The following FHIT variants were observed in gnomAD, a reference collection of about 807,000 sequenced individuals.
The protein encoded by FHIT is fragile histidine triad diadenosine triphosphatase.
Under a neutral mutation model 17.9 loss-of-function variants are expected in FHIT, and 19 were observed. The observed-to-expected ratio is 1.06, with a 90% CI of 0.74 to 1.56. The LOEUF (loss-of-function observed/expected upper bound fraction) is 1.56. FHIT is among the 40% of genes most tolerant of loss of function. The pLI, the probability that FHIT is intolerant of heterozygous loss-of-function variation, is 0.00. For synonymous variants in FHIT, 81 were observed against 69.7 expected, an observed-to-expected ratio of 1.16 and a Z score of -0.81; for missense variants, 248 against 189.2, an observed-to-expected ratio of 1.31 and a Z score of -1.82.
chr3:59,857,118 A>C (rs1702191486), intron 8 of FHIT, among the ~76,000 whole-genome samples: 1 of 152,212 alleles, frequency 6.6e-6, no homozygotes, highest in African/African-American at 2.4e-5. Flanking sequence ...TCTGAGGGGC[A>C]CTGGAGTTCC....
At chr3:59,974,824 T>G (rs1708340232) in intron 7 of FHIT, among the ~76,000 whole-genome samples, 1 of 151,952 alleles carries the variant, frequency 6.6e-6, no homozygotes, top group Non-Finnish European at 1.5e-5. Flanking sequence ...GGAAATTGAG[T>G]CTATAGTAGA....
chr3:60,113,060 C>G (rs892218478), intron 5 of FHIT, among the ~76,000 whole-genome samples: 1 of 152,186 alleles, frequency 6.6e-6, no homozygotes, highest in Admixed American at 6.5e-5. Context: ...TCCTGACCAT[C>G]CAATCTCAAG....
chr3:60,796,189 C>T (rs944994084), intron 4 of FHIT, among the ~76,000 whole-genome samples: 7 of 152,110 alleles, frequency 4.6e-5, no homozygotes, highest in Non-Finnish European at 4.4e-5. Context: ...CGTGGGAATT[C>T]GGGGAGATAC....
At chr3:60,829,517 C>A (rs1399257853) in intron 3 of FHIT, among the ~76,000 whole-genome samples, 2 of 152,086 alleles carry the variant, frequency 1.3e-5, no homozygotes, top group Non-Finnish European at 2.9e-5. Context: ...ATTTAGTAAA[C>A]AGCCTCAGCC....
At chr3:60,445,870 T>C (rs2031297082) in intron 5 of FHIT, among the ~76,000 whole-genome samples, 1 of 151,910 alleles carries the variant, frequency 6.6e-6, no homozygotes, top group Admixed American at 6.6e-5. Flanking sequence ...AGAGAGAAAA[T>C]GTGAAACTGT....
chr3:60,746,194 G>A (rs1025311908), intron 4 of FHIT, among the ~76,000 whole-genome samples: 1 of 152,168 alleles, frequency 6.6e-6, no homozygotes, highest in Non-Finnish European at 1.5e-5. Context: ...CATGGTCTCG[G>A]TCCACAGGAG....
chr3:60,877,093 C>T (rs1403278917), intron 3 of FHIT, among the ~76,000 whole-genome samples: 1 of 152,180 alleles, frequency 6.6e-6, no homozygotes, highest in African/African-American at 2.4e-5. Context: ...GAGGGAGCTG[C>T]CTACAGGCCA....
chr3:60,129,638 G>C lies in FHIT; in HGVS notation c.104-115486C>G, dbSNP rs866005845. On this transcript the variant is annotated intron_variant, in intron 5 of 9. Coordinates refer to ENST00000492590, the MANE Select transcript of FHIT (RefSeq NM_002012.4). ...AGGAGATGCCCTAAGTCTACTATAA[G>C]TGAATTTACTTTTTGTTTTCTGCTT... 1.8e-4 allele frequency among the ~76,000 whole-genome samples: 27 copies of C among 152,048 alleles called. 1 individual carries two copies. Among genetic ancestry groups the C allele is most frequent in the Admixed American group, 1.0e-3 (16 of 15,266 alleles).
chr3:61,224,395 C>T (rs1274536077), intron 1 of FHIT, among the ~76,000 whole-genome samples: 1 of 152,078 alleles, frequency 6.6e-6, no homozygotes, highest in Non-Finnish European at 1.5e-5. Context: ...GGTAACCATG[C>T]TTATGTTACT....
chr3:60,274,624 G>A (rs773201940), intron 5 of FHIT, among the ~76,000 whole-genome samples: 1 of 152,108 alleles, frequency 6.6e-6, no homozygotes, highest in Non-Finnish European at 1.5e-5. Flanking sequence ...ACAAGAAGTG[G>A]TTCCAAATTC....
intron 5 of FHIT, among the ~76,000 whole-genome samples, chr3:60,175,037 T>A (rs1249569198): frequency 6.6e-6 from 1 of 152,170 alleles, no homozygotes; most frequent in East Asian, 1.9e-4. Context: ...TCCTGAGATA[T>A]TGTTCTAATA....
intron 4 of FHIT, among the ~76,000 whole-genome samples, chr3:60,609,317 GCTTC>G (rs1214634723): frequency 6.9e-6 from 1 of 143,908 alleles, no homozygotes; most frequent in Non-Finnish European, 1.5e-5. Flanking sequence ...TCAGCCTTTT[GCTTC>G]CTTTTTTATT....
chr3:60,489,160 C>G (rs915568061), intron 5 of FHIT, among the ~76,000 whole-genome samples: 4 of 152,152 alleles, frequency 2.6e-5, no homozygotes, highest in African/African-American at 7.2e-5. Flanking sequence ...TATTATTTCT[C>G]TCTATAATAG....
intron 3 of FHIT, among the ~76,000 whole-genome samples, chr3:60,960,325 A>C (rs1159565142): frequency 6.6e-6 from 1 of 152,206 alleles, no homozygotes; most frequent in Non-Finnish European, 1.5e-5. Flanking sequence ...TCTAAAGAGC[A>C]CTTCACTGTT....
At chr3:60,127,102 C>T (rs60801834) in intron 5 of FHIT, among the ~76,000 whole-genome samples, 38,216 of 151,986 alleles carry the variant, frequency 0.25, 5,090 homozygotes, top group Non-Finnish European at 0.29. Flanking sequence ...TCTACTTGTG[C>T]AATCTCCCAA....
At chr3:60,505,289 T>A (rs1214374064) in intron 5 of FHIT, among the ~76,000 whole-genome samples, 1 of 152,198 alleles carries the variant, frequency 6.6e-6, no homozygotes, top group Non-Finnish European at 1.5e-5. Context: ...TGGTCTCATT[T>A]ATATTGGGAC....
intron 8 of FHIT, among the ~76,000 whole-genome samples, chr3:59,777,154 AGGGTGGCCCAC>A (rs1702364889): frequency 6.6e-6 from 1 of 152,108 alleles, no homozygotes; most frequent in Admixed American, 6.5e-5. Flanking sequence ...TCGAAATGTC[AGGGTGGCCCAC>A]GCTTGATTCT....
intron 5 of FHIT, among the ~76,000 whole-genome samples, chr3:60,367,801 C>A (rs1424687484): frequency 6.6e-6 from 1 of 152,200 alleles, no homozygotes; most frequent in Non-Finnish European, 1.5e-5. Context: ...AGGAAGTTCT[C>A]CAGTGCTCAC....
At chr3:59,898,810 T>C (rs78313999) in intron 8 of FHIT, among the ~76,000 whole-genome samples, 2,362 of 152,196 alleles carry the variant, frequency 0.016, 55 homozygotes, top group African/African-American at 0.045. Context: ...ACAGTGACAA[T>C]AATAGCTGCA....
Sources: allele counts gnomAD v4.1 joint callset (sites outside exome capture counted in the v4.1 genomes callset), GRCh38; gene constraint gnomAD v4.1.1; transcripts MANE v1.5; gene names NCBI Gene and HGNC (gene_info 2026-07-23, HGNC 2026-07-21).